The following METAP1D variants were observed in gnomAD, a reference collection of about 807,000 sequenced individuals.
METAP1D encodes methionine aminopeptidase 1D, mitochondrial.
In METAP1D, 31 loss-of-function variants were observed where a neutral mutation model predicts 40.5. The ratio of observed to expected loss-of-function variants is 0.77; its 90% CI spans 0.58 to 1.03. METAP1D has a LOEUF of 1.03. Ranked by LOEUF, METAP1D falls within the 50% of genes least tolerant of loss-of-function variation. METAP1D has a pLI of 0.00. For missense variants in METAP1D, 411 were observed against 420.7 expected, an observed-to-expected ratio of 0.98 and a Z score of 0.20; for synonymous variants, 151 against 146.4, an observed-to-expected ratio of 1.03 and a Z score of -0.22.
At position 172,080,673 on chromosome 2, in the gene METAP1D, G is replaced by A. The variant is rs1329736790; in HGVS notation, c.*267G>A. 6.9e-6 allele frequency: 4 copies of A among 581,490 alleles called. No individual in the cohort carries two copies. Among genetic ancestry groups the A allele is most frequent in the Non-Finnish European group, 1.2e-5 (4 of 326,736 alleles). The allele number at this position is 581,490 out of a possible 1,614,324, so 36.0% of individuals were successfully genotyped here. Reference sequence around the variant, plus strand: ...CGGTCAACGCATCTGGAGGGGACTGGAGGAAACCCCCTTGTTGGAAGAGAT... The same window carrying A: ...CGGTCAACGCATCTGGAGGGGACTGAAGGAAACCCCCTTGTTGGAAGAGAT... On this transcript the variant is annotated 3_prime_UTR_variant, in exon 10 of 10. Transcript: ENST00000315796.
chr2:172,058,411 C>T lies in METAP1D; in HGVS notation c.41-3087C>T, dbSNP rs189480444. 2.6e-5 allele frequency among the ~76,000 whole-genome samples: 4 copies of T among 152,334 alleles called. No homozygotes were observed. The East Asian group carries it at 7.7e-4, about 29-fold the overall frequency. ...AACAAAAGTCCAGGCTTCTGCCTTC[C>T]AACTGTCTGCTTTTCCTAGGACACT... On this transcript the variant is annotated intron_variant, in intron 1 of 9. Transcript: ENST00000315796.
intron 1 of METAP1D, among the ~76,000 whole-genome samples, chr2:172,056,981 C>T (rs1014302867): frequency 1.3e-5 from 2 of 152,160 alleles, no homozygotes; most frequent in Non-Finnish European, 2.9e-5. Flanking sequence ...AAAAAACTGA[C>T]CTTGAAATCT....
chr2:172,037,608 A>G (rs1235305488), intron 1 of METAP1D, among the ~76,000 whole-genome samples: 1 of 152,230 alleles, frequency 6.6e-6, no homozygotes. Context: ...AGATGAAGAA[A>G]CTGAGGCATT....
chr2:172,016,599 C>T (rs1688872034), intron 1 of METAP1D, among the ~76,000 whole-genome samples: 1 of 150,004 alleles, frequency 6.7e-6, no homozygotes, highest in Non-Finnish European at 1.5e-5. Context: ...GCAGCCTGGG[C>T]GATAGAGCCA....
chr2:172,029,226 G>A (rs1319198178), intron 1 of METAP1D, among the ~76,000 whole-genome samples: 1 of 152,168 alleles, frequency 6.6e-6, no homozygotes, highest in Non-Finnish European at 1.5e-5. Context: ...GAGCAACTAG[G>A]TGAAAACCTG....
intron 1 of METAP1D, among the ~76,000 whole-genome samples, chr2:172,020,562 A>G (rs1688983773): frequency 6.6e-6 from 1 of 152,220 alleles, no homozygotes; most frequent in South Asian, 2.1e-4. Context: ...CACTAGTTCT[A>G]AAACTATTGA....
At chr2:172,064,782 A>G (rs1690212211) in intron 3 of METAP1D, among the ~76,000 whole-genome samples, 1 of 152,228 alleles carries the variant, frequency 6.6e-6, no homozygotes, top group East Asian at 1.9e-4. Context: ...CACTCACAGT[A>G]TCTTCTGTGT....
At chr2:172,037,140 T>G (rs2105426963) in intron 1 of METAP1D, among the ~76,000 whole-genome samples, 1 of 152,216 alleles carries the variant, frequency 6.6e-6, no homozygotes, top group Admixed American at 6.5e-5. Context: ...TGCATACCTA[T>G]AATCCCAGCT....
intron 1 of METAP1D, among the ~76,000 whole-genome samples, chr2:172,016,179 G>A: frequency 7.1e-6 from 1 of 140,416 alleles, no homozygotes; most frequent in African/African-American, 2.6e-5. Flanking sequence ...AAGAGGCTGA[G>A]GCAGGAGAAT....
intron 1 of METAP1D, among the ~76,000 whole-genome samples, chr2:172,047,678 G>T (rs2105453034): frequency 6.6e-6 from 1 of 152,264 alleles, no homozygotes. Context: ...CAAAGGATCC[G>T]CACACCTCGG....
At position 172,080,416 on chromosome 2, in the gene METAP1D, C is replaced by T. The variant is rs749022414; in HGVS notation, c.*10C>T. 7 of 1,613,800 alleles carry T rather than the reference C, an allele frequency of 4.3e-6. No homozygotes were observed. Among genetic ancestry groups the T allele is most frequent in the East Asian group, 2.2e-5 (1 of 44,884 alleles). On this transcript the variant is annotated 3_prime_UTR_variant, in exon 10 of 10. Coordinates refer to ENST00000315796, the MANE Select transcript of METAP1D (RefSeq NM_199227.3). ...ACCCCATGAGGCCTGAGGAGCCGCC[C>T]GAAGGTCGCGGTGACCTGGTGCCTT...
chr2:172,055,366 AC>A (rs1485492724), intron 1 of METAP1D, among the ~76,000 whole-genome samples: 4 of 152,326 alleles, frequency 2.6e-5, no homozygotes, highest in African/African-American at 9.6e-5. Flanking sequence ...AATTCAAGAG[AC>A]CATTTCTACA....
chr2:172,027,650 G>T (rs967262097), intron 1 of METAP1D, among the ~76,000 whole-genome samples: 1 of 152,230 alleles, frequency 6.6e-6, no homozygotes, highest in East Asian at 1.9e-4. Flanking sequence ...ACGTGTACAC[G>T]TGTGTATGTC....
chr2:172,021,203 G>T (rs901986958), intron 1 of METAP1D, among the ~76,000 whole-genome samples: 8 of 152,100 alleles, frequency 5.3e-5, no homozygotes, highest in Non-Finnish European at 1.0e-4. Flanking sequence ...GTCCTTTTAG[G>T]ATATATGGGG....
chr2:172,043,110 TA>T (rs1285553076), intron 1 of METAP1D, among the ~76,000 whole-genome samples: 1,609 of 31,386 alleles, frequency 0.051, 313 homozygotes, highest in Admixed American at 0.27. Flanking sequence ...TATATATATA[TA>T]TATATATTTT....
chr2:172,075,228 T>G (rs377108537), intron 6 of METAP1D, among the ~76,000 whole-genome samples: 2 of 152,154 alleles, frequency 1.3e-5, no homozygotes, highest in South Asian at 4.1e-4. Flanking sequence ...AAATCACAAG[T>G]GTGCTTGGGT....
intron 1 of METAP1D, among the ~76,000 whole-genome samples, chr2:172,037,744 C>T (rs1403645760): frequency 2.6e-5 from 4 of 152,154 alleles, no homozygotes; most frequent in Non-Finnish European, 5.9e-5. Flanking sequence ...CCTCCTACCC[C>T]GTTGGTGAGT....
At chr2:172,077,602 A>G (rs1690577200) in intron 6 of METAP1D, among the ~76,000 whole-genome samples, 195 bp from the exon 7 acceptor site, 1 of 152,244 alleles carries the variant, frequency 6.6e-6, no homozygotes, top group South Asian at 2.1e-4. Context: ...TCATATATCC[A>G]AAGACAGTGG....
intron 3 of METAP1D, among the ~76,000 whole-genome samples, chr2:172,064,905 A>G (rs1236038521): frequency 6.6e-6 from 1 of 152,326 alleles, no homozygotes; most frequent in East Asian, 1.9e-4. Context: ...AATTTTATTT[A>G]TGTTTATGGA....
Sources: allele counts gnomAD v4.1 joint callset (sites outside exome capture counted in the v4.1 genomes callset), GRCh38; gene constraint gnomAD v4.1.1; transcripts MANE v1.5; gene names NCBI Gene and HGNC (gene_info 2026-07-23, HGNC 2026-07-21).